Variants in AXIN1 observed in about 807,000 individuals in gnomAD.
AXIN1 encodes the protein axin-1.
In AXIN1, 30 loss-of-function variants were observed where a neutral mutation model predicts 76.4. The ratio of observed to expected loss-of-function variants is 0.39; its 90% CI spans 0.29 to 0.53. AXIN1 has a LOEUF of 0.53. Among genes scored for constraint, AXIN1 ranks in the 20% least tolerant of loss-of-function variants. The pLI is 0.66. For synonymous variants in AXIN1, 545 were observed against 501.4 expected, an observed-to-expected ratio of 1.09 and a Z score of -1.16; for missense variants, 1,140 against 1,198.8, an observed-to-expected ratio of 0.95 and a Z score of 0.72.
At chr16:335,746 T>C (rs191503684) in intron 2 of AXIN1, among the ~76,000 whole-genome samples, 41 of 152,320 alleles carry the variant, frequency 2.7e-4, no homozygotes, top group Admixed American at 4.6e-4. Context: ...AGAGTGGGAA[T>C]ATGGAAGACT....
intron 2 of AXIN1, among the ~76,000 whole-genome samples, chr16:315,696 G>C (rs1013564208): frequency 1.3e-5 from 2 of 152,072 alleles, no homozygotes; most frequent in African/African-American, 4.8e-5. Flanking sequence ...GCGTGGTGGC[G>C]GGCGCCTGTA....
chr16:298,352 T>C lies in AXIN1; in HGVS notation c.1255-101A>G, dbSNP rs182709467. The C allele has an allele frequency of 1.2e-5, 18 of 1,502,672 alleles. No individual in the cohort carries two copies. In the Admixed American group the frequency reaches 3.3e-4, roughly 28 times the overall value. 93.1% of individuals were successfully genotyped at this position (1,502,672 alleles called of 1,614,324 possible). On this transcript the variant is annotated intron_variant, in intron 5 of 10. Coordinates refer to ENST00000262320, the MANE Select transcript of AXIN1 (RefSeq NM_003502.4). ...GACCCAGCAGCCCCAGCAGATGCCG[T>C]CCCAGCCCAGGGTGGCCGGGGGCCC...
In AXIN1 at chr16:293,189, C is replaced by T. The variant is rs1187943224; in HGVS notation, c.2186+299G>A. Reference sequence around the variant, plus strand: ...GCTGGGGACCGGCGTTCCCCACACACTGGGGCCCTGCAGCCTCCCTGCAGA... The same window carrying T: ...GCTGGGGACCGGCGTTCCCCACACATTGGGGCCCTGCAGCCTCCCTGCAGA... On this transcript the variant is annotated intron_variant, in intron 8 of 10. Transcript: ENST00000262320. This position sits in a 1 kb window ranked among gnomAD's most constrained non-coding sequence, Gnocchi z 4.6. 6.0e-6 allele frequency: 3 copies of T among 502,898 alleles called. No homozygotes were observed. The highest frequency in any genetic ancestry group is 1.1e-5 in the Non-Finnish European group (3 of 277,732). The allele number at this position is 502,898 out of a possible 1,614,324, so 31.2% of individuals were successfully genotyped here.
chr16:330,660 T>G (rs2053675015), intron 2 of AXIN1, among the ~76,000 whole-genome samples: 1 of 152,226 alleles, frequency 6.6e-6, no homozygotes, highest in Non-Finnish European at 1.5e-5. Context: ...ATCACATTTT[T>G]AGGTTCACAA....
chr16:314,367 GC>G (rs1191175224), intron 3 of AXIN1, among the ~76,000 whole-genome samples, 175 bp downstream of exon 3: 7 of 152,232 alleles, frequency 4.6e-5, no homozygotes, highest in Admixed American at 1.3e-4. Context: ...TCAGCACGAA[GC>G]CCCCTCTGAG....
At position 289,747 on chromosome 16, in the gene AXIN1, G is replaced by A. The variant is rs925915485; in HGVS notation, c.2295-140C>T. On this transcript the variant is annotated intron_variant, in intron 9 of 10. Transcript: ENST00000262320. ...CACCCCATTCAAACACCTGGGGCCC[G>A]CAGCCCCCGCACAGCATCTCAATCT... The A allele has an allele frequency of 1.2e-4, 119 of 1,003,966 alleles. 1 individual carries two copies. In the Admixed American group the frequency reaches 1.3e-3, roughly 11 times the overall value. 62.2% of individuals were successfully genotyped at this position (1,003,966 alleles called of 1,614,324 possible).
At chr16:351,021 C>T (rs1353763401) in intron 1 of AXIN1, among the ~76,000 whole-genome samples, 1 of 151,866 alleles carries the variant, frequency 6.6e-6, no homozygotes, top group Non-Finnish European at 1.5e-5. Context: ...ATCCCAGCTA[C>T]TTGGGAAGGC....
At chr16:288,450 G>T in intron 10 of AXIN1, 1 of 758,978 alleles carries the variant, frequency 1.3e-6, no homozygotes, top group Non-Finnish European at 2.2e-6. Context: ...CAGCCATGGG[G>T]GGTGAGTTCA....
intron 5 of AXIN1, 77 bp from the exon 6 acceptor site, chr16:298,328 ACCCAGCAGC>A: frequency 6.5e-7 from 1 of 1,530,082 alleles, no homozygotes; most frequent in Non-Finnish European, 8.8e-7. Flanking sequence ...ATCAGGCCTG[ACCCAGCAGC>A]CCCAGCAGAT....
In AXIN1 at chr16:304,889, A is replaced by G. The variant is rs144448596; in HGVS notation, c.1117-448T>C. Among the ~76,000 whole-genome samples the G allele has an allele frequency of 2.3e-3, 349 of 152,248 alleles. 4 individuals are homozygous for G. The highest frequency in any genetic ancestry group is 0.015 in the Admixed American group (235 of 15,294). The stretch of plus-strand genomic sequence containing the variant: ...TTTTCCTCCTTTCAGTTGGGAATCA[A>G]CTTCCTCACGGTCCCCCTTTTCGTG... On this transcript the variant is annotated intron_variant, in intron 4 of 10. Transcript: ENST00000262320.
At chr16:318,562 C>T (rs534578184) in intron 2 of AXIN1, among the ~76,000 whole-genome samples, 2 of 152,270 alleles carry the variant, frequency 1.3e-5, no homozygotes, top group East Asian at 1.9e-4. Flanking sequence ...CGACCAAGAA[C>T]GTTCTGGTCA....
chr16:314,290 C>T (rs2053249216), intron 3 of AXIN1, among the ~76,000 whole-genome samples: 1 of 152,164 alleles, frequency 6.6e-6, no homozygotes, highest in African/African-American at 2.4e-5. Context: ...TGTCCAGACG[C>T]ACTCTCACTG....
At chr16:296,306 G>A in intron 7 of AXIN1, among the ~76,000 whole-genome samples, 1 of 152,260 alleles carries the variant, frequency 6.6e-6, no homozygotes, top group East Asian at 1.9e-4. Flanking sequence ...GATGCGTCCT[G>A]GCCAGGGCCT....
At chr16:291,003 T>C (rs1188911804) in intron 9 of AXIN1, 187 bp downstream of exon 9, 3 of 660,460 alleles carry the variant, frequency 4.5e-6, no homozygotes, top group East Asian at 2.7e-5. Flanking sequence ...GCGTCTCCTT[T>C]GATGGAGACA....
rs757586341 is a variant in AXIN1, at chr16:346,368, C to T, written c.658G>A (p.Val220Ile). 6 of 1,614,244 alleles carry T rather than the reference C, an allele frequency of 3.7e-6. No homozygotes were observed. The Admixed American group carries it at 1.0e-4, about 27-fold the overall frequency. ...YTRTGSESPK[V>I]CSDQSSGSGT... ...GACCCAGAGCTCTGGTCACTACAGA[C>T]TTTGGGGCTCTCCGAGCCTGTCCTC... Residue 220 changes from valine (V) to isoleucine (I), a missense_variant, in exon 2 of 11, where the codon GTC (valine) becomes ATC (isoleucine). Physicochemically the swap from Val to Ile is conservative, Grantham distance 29 (BLOSUM62 3). Around this residue, in one of 3 missense-constraint regions of AXIN1, gnomAD observed 708 missense variants for 776.9 expected, o/e 0.91. Transcript: ENST00000262320.
chr16:338,644 T>G (rs2053854041), intron 2 of AXIN1, among the ~76,000 whole-genome samples: 1 of 152,238 alleles, frequency 6.6e-6, no homozygotes, highest in Non-Finnish European at 1.5e-5. Flanking sequence ...CAAGATGGAC[T>G]GGGCACAGTG....
At chr16:328,475 C>T (rs1449265066) in intron 2 of AXIN1, among the ~76,000 whole-genome samples, 1 of 151,444 alleles carries the variant, frequency 6.6e-6, no homozygotes, top group Non-Finnish European at 1.5e-5. Flanking sequence ...GCGGGCGGAT[C>T]ACCTGAGGTT....
Position 287,956 on chromosome 16 carries a change from T to G in AXIN1, c.*166A>C, listed in dbSNP as rs879089411. Reference sequence around the variant, plus strand: ...GGCAGGACAGAAGCTTGTGGACCACTTGGAGGGACCCCCTACCTGCCTCTA... The same window carrying G: ...GGCAGGACAGAAGCTTGTGGACCACGTGGAGGGACCCCCTACCTGCCTCTA... On this transcript the variant is annotated 3_prime_UTR_variant, in exon 11 of 11. Transcript: ENST00000262320. The G allele has an allele frequency of 2.6e-6, 3 of 1,170,794 alleles. No homozygotes were observed. Among genetic ancestry groups the G allele is most frequent in the Non-Finnish European group, 3.7e-6 (3 of 801,238 alleles). 72.5% of individuals were successfully genotyped at this position (1,170,794 alleles called of 1,614,324 possible).
chr16:329,272 CAAAAAAA>C (rs1176095680), intron 2 of AXIN1, among the ~76,000 whole-genome samples: 6 of 71,182 alleles, frequency 8.4e-5, no homozygotes, highest in Admixed American at 3.8e-4. Context: ...GCGAGACTGT[CAAAAAAA>C]AAAAAAAAAA....
Sources: allele counts gnomAD v4.1 joint callset (sites outside exome capture counted in the v4.1 genomes callset), GRCh38; gene constraint gnomAD v4.1.1; regional missense constraint gnomAD v4.1.1; non-coding constraint Gnocchi (gnomAD v3.1); transcripts MANE v1.5; gene names NCBI Gene and HGNC (gene_info 2026-07-23, HGNC 2026-07-21).